The following TTLL5 variants were observed in gnomAD, a reference collection of about 807,000 sequenced individuals.
TTLL5 encodes the protein tubulin tyrosine ligase like 5.
Under a neutral mutation model 168.4 loss-of-function variants are expected in TTLL5, and 132 were observed. The observed-to-expected ratio is 0.78, with a 90% CI of 0.68 to 0.91. TTLL5 has a LOEUF of 0.91. Among genes scored for constraint, TTLL5 ranks in the 40% least tolerant of loss-of-function variants. The probability of loss-of-function intolerance (pLI) is 0.00; values close to 1 mark genes in which losing one functional copy is unlikely to be tolerated. For missense variants in TTLL5, 1,545 were observed against 1,581.5 expected (o/e 0.98, Z 0.39); for synonymous variants, 546 against 558.6 (o/e 0.98, Z 0.32).
At chr14:75,744,904 T>TG (rs1324135426) in intron 15 of TTLL5, among the ~76,000 whole-genome samples, 191 bp from the exon 16 acceptor site, 1 of 152,166 alleles carries the variant, frequency 6.6e-6, no homozygotes, top group Non-Finnish European at 1.5e-5. Context: ...TTTCTCCTCT[T>TG]GCCTTTGAGT....
chr14:75,864,615 T>C (rs1421760010), intron 29 of TTLL5, among the ~76,000 whole-genome samples: 1 of 151,794 alleles, frequency 6.6e-6, no homozygotes, highest in East Asian at 1.9e-4. Context: ...AAGGATGACC[T>C]CACCGAAAAT....
rs575105765 is a variant in TTLL5, at chr14:75,724,269, C to A, written c.1042+3566C>A. Among the ~76,000 whole-genome samples, 8 of 152,234 alleles carry A rather than the reference C, an allele frequency of 5.3e-5. No individual in the cohort carries two copies. The South Asian group carries it at 1.7e-3, about 32-fold the overall frequency. On this transcript the variant is annotated intron_variant, in intron 12 of 31. Coordinates refer to ENST00000298832, the MANE Select transcript of TTLL5 (RefSeq NM_015072.5). ...CACCTGTAATGTTCAACTATGTTTC[C>A]AGGTATCTTCAATATCCCATCCTAT...
intron 9 of TTLL5, chr14:75,712,601 T>A (rs938380377): frequency 6.6e-6 from 1 of 151,868 alleles, no homozygotes; most frequent in African/African-American, 2.4e-5. Context: ...AACTCTCTGC[T>A]TTCCTTCTTG....
rs1890861699 is a variant in TTLL5 at position 75,663,091 on chromosome 14, C to T, written c.-59C>T. The T allele has an allele frequency of 1.3e-6, 2 of 1,509,290 alleles. No homozygotes were observed. The highest frequency in any genetic ancestry group is 1.8e-6 in the Non-Finnish European group (2 of 1,091,474). 93.5% of individuals were successfully genotyped at this position (1,509,290 alleles called of 1,614,324 possible). A position where few individuals can be genotyped will look rare whatever the true frequency, so the allele number is the denominator to read the frequency against. Reference sequence around the variant, plus strand: ...ATCCAAATTGCTTGATCCAGTGAATCTGCTAGGAAAGGTCTCTGAGGCCCC... The same window carrying T: ...ATCCAAATTGCTTGATCCAGTGAATTTGCTAGGAAAGGTCTCTGAGGCCCC... On this transcript the variant is annotated 5_prime_UTR_variant, in exon 2 of 32. Transcript: ENST00000298832.
intron 27 of TTLL5, among the ~76,000 whole-genome samples, chr14:75,801,435 C>T (rs1273082223): frequency 1.3e-5 from 2 of 152,174 alleles, no homozygotes; most frequent in African/African-American, 4.8e-5. Flanking sequence ...AGGTGTCCAT[C>T]ACCTCAAGCA....
At chr14:75,814,168 A>T (rs1303512234) in intron 27 of TTLL5, among the ~76,000 whole-genome samples, 1 of 152,222 alleles carries the variant, frequency 6.6e-6, no homozygotes, top group African/African-American at 2.4e-5. Flanking sequence ...AATGCAAAAC[A>T]CTTTTGGTCC....
chr14:75,713,950 T>C (rs1406994511), intron 9 of TTLL5, among the ~76,000 whole-genome samples: 1 of 152,162 alleles, frequency 6.6e-6, no homozygotes, highest in Non-Finnish European at 1.5e-5. Flanking sequence ...CCAATTGTCC[T>C]AAGATTTTTT....
At chr14:75,684,626 TAATC>T (rs1257757087) in intron 5 of TTLL5, 1 of 152,184 alleles carries the variant, frequency 6.6e-6, no homozygotes, top group African/African-American at 2.4e-5. Flanking sequence ...CTTGCAATGA[TAATC>T]AGTCATGTAT....
chr14:75,899,938 CTTTTT>C (rs34675657), intron 30 of TTLL5, among the ~76,000 whole-genome samples: 76 of 143,996 alleles, frequency 5.3e-4, no homozygotes, highest in Non-Finnish European at 6.0e-4. Flanking sequence ...GGCTTCTTCC[CTTTTT>C]TTTTTTTTTT....
At chr14:75,916,589 A>G (rs1297396213) in intron 31 of TTLL5, among the ~76,000 whole-genome samples, 1 of 152,138 alleles carries the variant, frequency 6.6e-6, no homozygotes, top group Non-Finnish European at 1.5e-5. Flanking sequence ...ATGATCCATG[A>G]TCACACCAGG....
At chr14:75,760,534 A>C (rs1266177459) in intron 18 of TTLL5, among the ~76,000 whole-genome samples, 4 of 152,098 alleles carry the variant, frequency 2.6e-5, no homozygotes, top group African/African-American at 9.6e-5. Context: ...TATCCAAAGT[A>C]ATCTTGAAAA....
chr14:75,897,649 T>A (rs59515192), intron 30 of TTLL5, among the ~76,000 whole-genome samples: 18,323 of 151,898 alleles, frequency 0.12, 1,431 homozygotes, highest in East Asian at 0.39. Flanking sequence ...GCTAGTTTTG[T>A]ATTTTTAGTA....
At chr14:75,666,865 C>T (rs1218912578) in intron 2 of TTLL5, among the ~76,000 whole-genome samples, 2 of 152,306 alleles carry the variant, frequency 1.3e-5, no homozygotes, top group East Asian at 1.9e-4. Flanking sequence ...TAAAGTGAAT[C>T]ATAAAACTGA....
Position 75,908,256 on chromosome 14 carries a change from T to G in TTLL5, c.3823+6032T>G, listed in dbSNP as rs115950475. The stretch of plus-strand genomic sequence containing the variant: ...AGAAGTCCAGCTCCTATGACACGAC[T>G]GTCACTGCTGGGAAGCTGCAGAGTC... On this transcript the variant is annotated intron_variant, in intron 31 of 31. Coordinates refer to ENST00000298832, the MANE Select transcript of TTLL5 (RefSeq NM_015072.5). Among the ~76,000 whole-genome samples, 895 of 152,362 alleles carry G rather than the reference T, an allele frequency of 5.9e-3. 10 individuals are homozygous for G. The highest frequency in any genetic ancestry group is 0.02 in the African/African-American group (835 of 41,594).
In TTLL5 at chr14:75,884,689, G is replaced by A. The variant is rs571681652; in HGVS notation, c.3740+1787G>A. Among the ~76,000 whole-genome samples, 263 of 152,296 alleles carry A rather than the reference G, an allele frequency of 1.7e-3. 3 individuals carry two copies. Among genetic ancestry groups the A allele is most frequent in the Admixed American group, 0.016 (250 of 15,298 alleles). On this transcript the variant is annotated intron_variant, in intron 30 of 31. Transcript: ENST00000298832. ...ATTTGCCTCTAAAACTCTAGGACAAGTCTCTGAAGCTAAGTTAATACTAAT... is the reference window on the plus strand; with the variant it reads ...ATTTGCCTCTAAAACTCTAGGACAAATCTCTGAAGCTAAGTTAATACTAAT...
intron 29 of TTLL5, among the ~76,000 whole-genome samples, chr14:75,875,279 C>T (rs1409033100): frequency 6.7e-6 from 1 of 149,916 alleles, no homozygotes; most frequent in Non-Finnish European, 1.5e-5. Context: ...CGTAGTGGCT[C>T]ACGCCTGTAA....
intron 30 of TTLL5, among the ~76,000 whole-genome samples, chr14:75,888,619 C>A (rs1274247332): frequency 6.6e-6 from 1 of 152,112 alleles, no homozygotes; most frequent in African/African-American, 2.4e-5. Flanking sequence ...GGTGGTATAG[C>A]TTAAAAGAAG....
intron 30 of TTLL5, among the ~76,000 whole-genome samples, chr14:75,889,843 AAGAG>A (rs1244663197): frequency 9.1e-6 from 1 of 109,896 alleles, no homozygotes; most frequent in Non-Finnish European, 1.7e-5. Flanking sequence ...AAAAAAAAAA[AAGAG>A]GAAGGAAGGA....
intron 30 of TTLL5, among the ~76,000 whole-genome samples, chr14:75,883,971 T>G (rs527395620): frequency 6.6e-6 from 1 of 152,332 alleles, no homozygotes; most frequent in South Asian, 2.1e-4. Context: ...ATTCACATCC[T>G]CAGGCCACAC....
Sources: gnomAD v4.1 joint callset for allele counts (sites outside exome capture counted in the v4.1 genomes callset) on GRCh38, gnomAD v4.1.1 for gene constraint, MANE v1.5 for transcripts, NCBI Gene and HGNC (gene_info 2026-07-23, HGNC 2026-07-21) for gene names.